ZNF26: variants seen among roughly 807,000 people sequenced by gnomAD.
The protein encoded by ZNF26 is zinc finger protein 26.
A neutral mutation model predicts 54.9 loss-of-function variants in ZNF26; 32 were observed. The observed-to-expected ratio is 0.58, with a 90% CI of 0.44 to 0.78. ZNF26 has a LOEUF of 0.78. Among genes scored for constraint, ZNF26 ranks in the 30% least tolerant of loss-of-function variants. The pLI is 0.00. For synonymous variants in ZNF26, 221 were observed against 209.2 expected (o/e 1.06, Z -0.49); for missense variants, 524 against 634.0 (o/e 0.83, Z 1.86).
chr12:133,010,088 G>C (rs1953435497), intron 3 of ZNF26, 48 bp from the exon 4 acceptor site: 2 of 1,536,914 alleles, frequency 1.3e-6, no homozygotes, highest in South Asian at 1.3e-5. Context: ...TTCCATATCA[G>C]GTTTATGTTA....
chr12:133,012,598 T>G lies in ZNF26; in HGVS notation c.*1117T>G, dbSNP rs1380745120. ...TTTGGGTTTTTTTTTTTTTTTTTTT[T>G]TTTTTTTTTTTGAGACTAAGTTTCA... is the stretch of plus-strand genomic sequence containing the variant. On this transcript the variant is annotated 3_prime_UTR_variant, in exon 4 of 4. Transcript: ENST00000328654. The G allele has an allele frequency of 9.0e-5, 12 of 133,718 alleles. No homozygotes were observed. The highest frequency in any genetic ancestry group is 3.4e-4 in the African/African-American group (12 of 35,770). 8.3% of individuals were successfully genotyped at this position (133,718 alleles called of 1,614,324 possible).
chr12:133,024,371 TATCAACAC>T lies in ZNF26; in HGVS notation c.*12891_*12898del, dbSNP rs1953676754. On this transcript the variant is annotated 3_prime_UTR_variant, in exon 4 of 4. Transcript: ENST00000328654. ...AGACTTTTTTATGTAGTGACAGGTG[TATCAACAC>T]TGTCACCTAATGTAAATGGAAAATA... 1 of 152,180 alleles carries T rather than the reference TATCAACAC, an allele frequency of 6.6e-6. No individual in the cohort carries two copies. Among genetic ancestry groups the T allele is most frequent in the Admixed American group, 6.5e-5 (1 of 15,278 alleles). 9.4% of individuals were successfully genotyped at this position (152,180 alleles called of 1,614,324 possible).
At chr12:133,000,964 G>A (rs1953206858) in intron 1 of ZNF26, among the ~76,000 whole-genome samples, 4 of 152,138 alleles carry the variant, frequency 2.6e-5, no homozygotes, top group African/African-American at 9.7e-5. Context: ...GCTATCTGCT[G>A]TGCACCTTCC....
chr12:132,996,779 G>A (rs926600692), intron 1 of ZNF26, among the ~76,000 whole-genome samples: 2 of 152,022 alleles, frequency 1.3e-5, no homozygotes, highest in African/African-American at 2.4e-5. Context: ...GATCATATAG[G>A]CATTTTCTTA....
chr12:133,010,309 A>G lies in ZNF26; in HGVS notation c.430A>G (p.Ser144Gly), dbSNP rs1177596232. 4 of 1,613,714 alleles carry G rather than the reference A, an allele frequency of 2.5e-6. No homozygotes were observed. Among genetic ancestry groups the G allele is most frequent in the African/African-American group, 1.3e-5 (1 of 74,918 alleles). Residue 144 changes from serine to glycine, a missense_variant, in exon 4 of 4, where the codon AGT becomes GGT. Coordinates refer to ENST00000328654, the MANE Select transcript of ZNF26 (RefSeq NM_019591.4). ...SLTQNSAPSR[S>G]YLRKNPDKFH... ...GACACAAAACTCAGCTCCAAGCAGA[A>G]GTTATTTAAGAAAGAATCCTGATAA...
rs1183315172 is a variant in ZNF26 at position 133,015,715 on chromosome 12, A to G, written c.*4234A>G. The G allele has an allele frequency of 6.6e-6, 1 of 152,254 alleles. No individual in the cohort carries two copies. Among genetic ancestry groups the G allele is most frequent in the Non-Finnish European group, 1.5e-5 (1 of 68,046 alleles). 9.4% of individuals were successfully genotyped at this position (152,254 alleles called of 1,614,324 possible). A position where few individuals can be genotyped will look rare whatever the true frequency, so the allele number is the denominator to read the frequency against. On this transcript the variant is annotated 3_prime_UTR_variant, in exon 4 of 4. Transcript: ENST00000328654. ...CAAATGTCAATGTTGCTGAAAAGCC[A>G]AAAGAAGCCAAGAGGACAGTCTTCT...
rs1420882682 is a variant in ZNF26 at position 133,021,184 on chromosome 12, T to G, written c.*9703T>G. 2.0e-5 allele frequency: 3 copies of G among 150,178 alleles called. No homozygotes were observed. Among genetic ancestry groups the G allele is most frequent in the African/African-American group, 7.4e-5 (3 of 40,720 alleles). The allele number at this position is 150,178 out of a possible 1,614,324, so 9.3% of individuals were successfully genotyped here. On this transcript the variant is annotated 3_prime_UTR_variant, in exon 4 of 4. Coordinates refer to ENST00000328654, the MANE Select transcript of ZNF26 (RefSeq NM_019591.4). Reference sequence around the variant, plus strand: ...CCAAGGTTGAAGTGCAGTGGCACCGTGTCGGCTCACTGCAACCTCTGCCTC... The same window carrying G: ...CCAAGGTTGAAGTGCAGTGGCACCGGGTCGGCTCACTGCAACCTCTGCCTC...
At position 133,016,994 on chromosome 12, in the gene ZNF26, A is replaced by G. The variant is rs942814754; in HGVS notation, c.*5513A>G. 2.0e-5 allele frequency: 3 copies of G among 152,180 alleles called. No individual in the cohort carries two copies. The highest frequency in any genetic ancestry group is 2.1e-4 in the South Asian group (1 of 4,830). The allele number at this position is 152,180 out of a possible 1,614,324, so 9.4% of individuals were successfully genotyped here. A position where few individuals can be genotyped will look rare whatever the true frequency, so the allele number is the denominator to read the frequency against. On this transcript the variant is annotated 3_prime_UTR_variant, in exon 4 of 4. Coordinates refer to ENST00000328654, the MANE Select transcript of ZNF26 (RefSeq NM_019591.4). ...TGTCTTCAATGTTCTGAAAGAAAAT[A>G]TCTACCTAGAAGGGTTATTCACAAA...
In ZNF26 at chr12:133,007,131, T is replaced by C; in HGVS notation, c.123T>C (p.Asp41=). The change falls in exon 2 of 4, where the codon GAT becomes GAC. Residue 41 remains aspartate (D), a synonymous_variant. Coordinates refer to ENST00000328654, the MANE Select transcript of ZNF26 (RefSeq NM_019591.4). The stretch of plus-strand genomic sequence containing the variant: ...CTACACAGAAGTACCTGTACAGAGA[T>C]GTGATATTGGAAAACTATCATAACC... ...LDSTQKYLYR[D]VILENYHNLI... The C allele has an allele frequency of 6.2e-7, 1 of 1,614,146 alleles. No homozygotes were observed. The highest frequency in any genetic ancestry group is 8.5e-7 in the Non-Finnish European group (1 of 1,179,984).
Position 133,020,633 on chromosome 12 carries a change from T to G in ZNF26, c.*9152T>G, listed in dbSNP as rs1329021119. 2 of 152,200 alleles carry G rather than the reference T, an allele frequency of 1.3e-5. No homozygotes were observed. Among genetic ancestry groups the G allele is most frequent in the African/African-American group, 4.8e-5 (2 of 41,450 alleles). The allele number at this position is 152,200 out of a possible 1,614,324, so 9.4% of individuals were successfully genotyped here. A position where few individuals can be genotyped will look rare whatever the true frequency, so the allele number is the denominator to read the frequency against. ...GAGACTTAATATCCCACTTTCAATA[T>G]TAGAACAATCGTATAAGTTGTCTAG... On this transcript the variant is annotated 3_prime_UTR_variant, in exon 4 of 4. Transcript: ENST00000328654.
At chr12:132,999,206 G>A (rs1953156315) in intron 1 of ZNF26, among the ~76,000 whole-genome samples, 1 of 152,182 alleles carries the variant, frequency 6.6e-6, no homozygotes, top group Non-Finnish European at 1.5e-5. Context: ...CAAGATGGTG[G>A]ATCTCCACCA....
In ZNF26 at chr12:133,001,766, G is replaced by T; in HGVS notation, c.34-5276G>T. 8.1e-7 allele frequency: 1 copy of T among 1,229,780 alleles called. No homozygotes were observed. Among genetic ancestry groups the T allele is most frequent in the Non-Finnish European group, 1.1e-6 (1 of 935,130 alleles). 76.2% of individuals were successfully genotyped at this position (1,229,780 alleles called of 1,614,324 possible). A position where few individuals can be genotyped will look rare whatever the true frequency, so the allele number is the denominator to read the frequency against. ...AGGGAGGCGGGGCCCTGTTTGAGGT[G>T]AGCTGCTGAACCCTCACTCCCCAGC... On this transcript the variant is annotated intron_variant, in intron 1 of 3. Transcript: ENST00000328654. This position sits in a 1 kb window ranked among gnomAD's most constrained non-coding sequence, Gnocchi z 4.7.
At position 133,015,374 on chromosome 12, in the gene ZNF26, A is replaced by G. The variant is rs1213826983; in HGVS notation, c.*3893A>G. 6.7e-6 allele frequency: 1 copy of G among 149,426 alleles called. No homozygotes were observed. Among genetic ancestry groups the G allele is most frequent in the East Asian group, 2.0e-4 (1 of 4,904 alleles). The allele number at this position is 149,426 out of a possible 1,614,324, so 9.3% of individuals were successfully genotyped here. A position where few individuals can be genotyped will look rare whatever the true frequency, so the allele number is the denominator to read the frequency against. ...GTCTCAAAAAAAAAAAAAAAAAGAA[A>G]AGAAAATGACAAACACATGTTCTGT... On this transcript the variant is annotated 3_prime_UTR_variant, in exon 4 of 4. Coordinates refer to ENST00000328654, the MANE Select transcript of ZNF26 (RefSeq NM_019591.4).
rs1262845215 is a variant in ZNF26, at chr12:133,019,061, A to T, written c.*7580A>T. On this transcript the variant is annotated 3_prime_UTR_variant, in exon 4 of 4. Transcript: ENST00000328654. ...GATATAAAACGCAAACAGCAACCAT[A>T]ATAAATCTCCAGTGGCTTTCTAATA... is the stretch of plus-strand genomic sequence containing the variant. The T allele has an allele frequency of 2.6e-5, 4 of 152,224 alleles. No individual in the cohort carries two copies. The highest frequency in any genetic ancestry group is 5.9e-5 in the Non-Finnish European group (4 of 68,040). The allele number at this position is 152,224 out of a possible 1,614,324, so 9.4% of individuals were successfully genotyped here. A position where few individuals can be genotyped will look rare whatever the true frequency, so the allele number is the denominator to read the frequency against.
In ZNF26 at chr12:133,016,873, GTC is replaced by G. The variant is rs1953574512; in HGVS notation, c.*5394_*5395del. 1 of 152,022 alleles carries G rather than the reference GTC, an allele frequency of 6.6e-6. No individual in the cohort carries two copies. The highest frequency in any genetic ancestry group is 2.1e-4 in the South Asian group (1 of 4,824). 9.4% of individuals were successfully genotyped at this position (152,022 alleles called of 1,614,324 possible). ...GTAAGGATGGGAATATTAGTTGAAA[GTC>G]TGATATTTTATCATTGAGTTGCCCT... On this transcript the variant is annotated 3_prime_UTR_variant, in exon 4 of 4. Coordinates refer to ENST00000328654, the MANE Select transcript of ZNF26 (RefSeq NM_019591.4).
In ZNF26 at chr12:133,011,672, G is replaced by A. The variant is rs1336597951; in HGVS notation, c.*191G>A. The A allele has an allele frequency of 6.5e-6, 3 of 458,636 alleles. No homozygotes were observed. Among genetic ancestry groups the A allele is most frequent in the Non-Finnish European group, 1.1e-5 (3 of 269,728 alleles). 28.4% of individuals were successfully genotyped at this position (458,636 alleles called of 1,614,324 possible). On this transcript the variant is annotated 3_prime_UTR_variant, in exon 4 of 4. Coordinates refer to ENST00000328654, the MANE Select transcript of ZNF26 (RefSeq NM_019591.4). ...CAAATCTTTGTAGATGAAAATAATG[G>A]AAGGAATGTGGAGCAATAAATGTAT...
intron 1 of ZNF26, among the ~76,000 whole-genome samples, chr12:132,990,326 T>A (rs2137209653): frequency 6.6e-6 from 1 of 152,276 alleles, no homozygotes; most frequent in East Asian, 1.9e-4. Flanking sequence ...TATCTATGCT[T>A]TTTCTTCTTT....
chr12:133,010,401 T>C lies in ZNF26; in HGVS notation c.522T>C (p.Cys174=), dbSNP rs1159043170. Residue 174 remains cysteine (C), a synonymous_variant, in exon 4 of 4, where the codon TGT becomes TGC. Coordinates refer to ENST00000328654, the MANE Select transcript of ZNF26 (RefSeq NM_019591.4). The part of the protein sequence containing the change: ...HQRAHSIEKN[C]VCSECGKAFR... ...GAGCTCATAGCATAGAAAAAAACTG[T>C]GTGTGTAGTGAATGTGGGAAAGCTT... The C allele has an allele frequency of 6.2e-7, 1 of 1,614,190 alleles. No individual in the cohort carries two copies. Among genetic ancestry groups the C allele is most frequent in the Non-Finnish European group, 8.5e-7 (1 of 1,180,028 alleles).
chr12:133,000,916 A>G (rs1288490740), intron 1 of ZNF26, among the ~76,000 whole-genome samples: 1 of 152,242 alleles, frequency 6.6e-6, no homozygotes, highest in East Asian at 1.9e-4. Context: ...AAAATAGACA[A>G]TAAGCCTCCT....
Sources: gnomAD v4.1 joint callset for allele counts (sites outside exome capture counted in the v4.1 genomes callset) on GRCh38, gnomAD v4.1.1 for gene constraint, Gnocchi (gnomAD v3.1) non-coding constraint, MANE v1.5 for transcripts, NCBI Gene and HGNC (gene_info 2026-07-23, HGNC 2026-07-21) for gene names.